Variants in BANK1 observed in about 807,000 individuals in gnomAD.
BANK1 encodes the protein B cell scaffold protein with ankyrin repeats 1.
A neutral mutation model predicts 94.5 loss-of-function variants in BANK1; 95 were observed. The ratio of observed to expected loss-of-function variants is 1.00; its 90% CI spans 0.85 to 1.19. BANK1 has a LOEUF of 1.19. BANK1 is among the 50% of genes most tolerant of loss of function. BANK1 has a pLI of 0.00. For synonymous variants in BANK1, 334 were observed against 308.4 expected (o/e 1.08, Z -0.87); for missense variants, 987 against 932.2 (o/e 1.06, Z -0.77).
chr4:102,020,898 G>C (rs939786558), intron 7 of BANK1, among the ~76,000 whole-genome samples: 2 of 152,108 alleles, frequency 1.3e-5, no homozygotes, highest in African/African-American at 4.8e-5. Context: ...CACCACAACT[G>C]TAAACTCCAT....
At chr4:101,953,927 G>A (rs1198006125) in intron 7 of BANK1, among the ~76,000 whole-genome samples, 8 of 152,218 alleles carry the variant, frequency 5.3e-5, no homozygotes, top group Non-Finnish European at 7.4e-5. Flanking sequence ...CACAAACTGG[G>A]TAGCTAAAAG....
intron 7 of BANK1, among the ~76,000 whole-genome samples, chr4:101,946,824 G>T (rs949009395): frequency 6.6e-6 from 1 of 151,866 alleles, no homozygotes. Context: ...ACCAATCCCC[G>T]CTGAAATTCT....
chr4:101,880,054 A>G lies in BANK1; in HGVS notation c.903+9410A>G, dbSNP rs375439041. Among the ~76,000 whole-genome samples, 97 of 152,226 alleles carry G rather than the reference A, an allele frequency of 6.4e-4. No homozygotes were observed. In the East Asian group the frequency reaches 0.013, roughly 20 times the overall value. On this transcript the variant is annotated intron_variant, in intron 5 of 16. Coordinates refer to ENST00000322953, the MANE Select transcript of BANK1 (RefSeq NM_017935.5). The stretch of plus-strand genomic sequence containing the variant: ...GATGACAAAGATGCCCACTTTCACC[A>G]TTGTTATTCAACATAGTACTGAAAG...
At chr4:101,806,279 T>C (rs1482290249) in intron 1 of BANK1, among the ~76,000 whole-genome samples, 1 of 152,148 alleles carries the variant, frequency 6.6e-6, no homozygotes, top group East Asian at 1.9e-4. Context: ...CATGGCTATT[T>C]GGTGAGGTGT....
intron 10 of BANK1, among the ~76,000 whole-genome samples, chr4:102,035,510 T>A (rs1727472967): frequency 6.6e-6 from 1 of 152,072 alleles, no homozygotes; most frequent in African/African-American, 2.4e-5. Context: ...TAGCCGGGCA[T>A]GGTGGCGGGT....
At chr4:102,044,481 G>T (rs548294331) in intron 11 of BANK1, among the ~76,000 whole-genome samples, 2 of 149,324 alleles carry the variant, frequency 1.3e-5, no homozygotes, top group Non-Finnish European at 3.0e-5. Context: ...GAATAATGCC[G>T]CAATAAACAT....
chr4:101,897,550 T>C (rs1405533826), intron 6 of BANK1, among the ~76,000 whole-genome samples: 2 of 151,938 alleles, frequency 1.3e-5, no homozygotes, highest in African/African-American at 4.8e-5. Context: ...TGGGGTACAT[T>C]CTAAGTGTTT....
At chr4:101,938,660 T>A (rs1370823083) in intron 7 of BANK1, among the ~76,000 whole-genome samples, 2 of 151,528 alleles carry the variant, frequency 1.3e-5, no homozygotes, top group Non-Finnish European at 3.0e-5. Context: ...CAAGCTTGAG[T>A]ATATGAATGA....
At chr4:101,990,776 A>G (rs1725676065) in intron 7 of BANK1, among the ~76,000 whole-genome samples, 1 of 152,186 alleles carries the variant, frequency 6.6e-6, no homozygotes, top group Non-Finnish European at 1.5e-5. Context: ...CATCATCAAA[A>G]TATAAGTTCT....
chr4:102,043,913 A>C lies in BANK1; in HGVS notation c.1969+6A>C. The C allele has an allele frequency of 6.5e-7, 1 of 1,536,150 alleles. No individual in the cohort carries two copies. Reference sequence around the variant, plus strand: ...TGGTCTTCCTAAGAAACAAGGTACTAACACTAACTTCAATCTATTTAGTAA... The same window carrying C: ...TGGTCTTCCTAAGAAACAAGGTACTCACACTAACTTCAATCTATTTAGTAA... On this transcript the variant is annotated splice_donor_region_variant and intron_variant, in intron 11 of 16. Transcript: ENST00000322953.
chr4:102,053,301 G>A (rs1488952835), intron 11 of BANK1, among the ~76,000 whole-genome samples: 1 of 152,126 alleles, frequency 6.6e-6, no homozygotes, highest in Admixed American at 6.5e-5. Context: ...AAAAAGTAAG[G>A]AGAGTTGCTC....
chr4:101,844,219 G>A (rs935143086), intron 2 of BANK1, among the ~76,000 whole-genome samples: 1 of 152,296 alleles, frequency 6.6e-6, no homozygotes, highest in East Asian at 1.9e-4. Flanking sequence ...CTAATGAGGT[G>A]CAGTGCATCC....
intron 7 of BANK1, among the ~76,000 whole-genome samples, chr4:101,999,280 C>T (rs562972575): frequency 1.3e-5 from 2 of 152,310 alleles, no homozygotes; most frequent in African/African-American, 4.8e-5. Flanking sequence ...CCTTTTCCAA[C>T]TTCTAGAAGC....
chr4:101,807,442 A>T (rs1001067508), intron 1 of BANK1, among the ~76,000 whole-genome samples: 1 of 152,150 alleles, frequency 6.6e-6, no homozygotes, highest in Non-Finnish European at 1.5e-5. Flanking sequence ...GAGGAACCAG[A>T]GCTCCAAACC....
chr4:102,009,932 A>G (rs1726428538), intron 7 of BANK1, among the ~76,000 whole-genome samples: 1 of 152,124 alleles, frequency 6.6e-6, no homozygotes, highest in Non-Finnish European at 1.5e-5. Context: ...TCTGATATTG[A>G]GAAGATTCTG....
rs1011593819 is a variant in BANK1 at position 101,858,072 on chromosome 4, G to A, written c.624+2883G>A. 5.9e-5 allele frequency among the ~76,000 whole-genome samples: 9 copies of A among 152,152 alleles called. No homozygotes were observed. The South Asian group carries it at 8.3e-4, about 14-fold the overall frequency. On this transcript the variant is annotated intron_variant, in intron 3 of 16. Coordinates refer to ENST00000322953, the MANE Select transcript of BANK1 (RefSeq NM_017935.5). ...AAATCCAACTGTGAGGTACTCTCCCGTTGGAATTACAACAAAACCAGAACT... is the reference window on the plus strand; with the variant it reads ...AAATCCAACTGTGAGGTACTCTCCCATTGGAATTACAACAAAACCAGAACT...
At chr4:102,007,124 A>T (rs2866397) in intron 7 of BANK1, among the ~76,000 whole-genome samples, 1 of 19,810 alleles carries the variant, frequency 5.0e-5, no homozygotes, top group Non-Finnish European at 1.5e-4. Context: ...TATATATTTT[A>T]TATATATATA....
chr4:102,020,565 C>A (rs1174282191), intron 7 of BANK1, among the ~76,000 whole-genome samples: 1 of 151,912 alleles, frequency 6.6e-6, no homozygotes, highest in African/African-American at 2.4e-5. Context: ...TCTCTTTGGC[C>A]AAAGTGGGTG....
At chr4:102,014,670 C>T (rs1369944661) in intron 7 of BANK1, among the ~76,000 whole-genome samples, 4 of 152,036 alleles carry the variant, frequency 2.6e-5, no homozygotes, top group Admixed American at 1.3e-4. Flanking sequence ...CTTGTATACC[C>T]CTGGAAACTT....
Sources: allele counts gnomAD v4.1 joint callset (sites outside exome capture counted in the v4.1 genomes callset), GRCh38; gene constraint gnomAD v4.1.1; transcripts MANE v1.5; gene names NCBI Gene and HGNC (gene_info 2026-07-23, HGNC 2026-07-21).